LRRC4C: variants seen among roughly 807,000 people sequenced by gnomAD.
LRRC4C encodes the protein leucine rich repeat containing 4C, also known as leucine-rich repeat-containing protein 4C.
Under a neutral mutation model 33.6 loss-of-function variants are expected in LRRC4C, and 5 were observed. The ratio of observed to expected loss-of-function variants is 0.15; its 90% CI spans 0.08 to 0.31. The LOEUF is 0.31. Among genes scored for constraint, LRRC4C ranks in the 10% least tolerant of loss-of-function variants. The probability of loss-of-function intolerance (pLI) is 1.00; values close to 1 mark genes in which losing one functional copy is unlikely to be tolerated. For synonymous variants in LRRC4C, 329 were observed against 302.0 expected (o/e 1.09, Z -0.93); for missense variants, 560 against 796.7 (o/e 0.70, Z 3.58).
chr11:41,023,963 T>C (rs1298865103), intron 1 of LRRC4C, among the ~76,000 whole-genome samples: 1 of 151,794 alleles, frequency 6.6e-6, no homozygotes, highest in Admixed American at 6.6e-5. Context: ...TGTTACTTTG[T>C]CAGGTGCTTG....
intron 1 of LRRC4C, among the ~76,000 whole-genome samples, chr11:41,098,271 G>A (rs1168973860): frequency 1.3e-5 from 2 of 152,106 alleles, no homozygotes; most frequent in African/African-American, 4.8e-5. Context: ...GAAAATCACT[G>A]CGGCCACACT....
chr11:40,599,882 A>G (rs936344863), intron 3 of LRRC4C, among the ~76,000 whole-genome samples: 2 of 152,310 alleles, frequency 1.3e-5, no homozygotes, highest in South Asian at 2.1e-4. Context: ...AGTGTGGTCC[A>G]TGTCAAATAT....
At chr11:40,798,472 C>A (rs895314200) in intron 2 of LRRC4C, among the ~76,000 whole-genome samples, 9 of 151,968 alleles carry the variant, frequency 5.9e-5, no homozygotes, top group African/African-American at 1.9e-4. Context: ...GTTATTAGTA[C>A]TTTTAAAAAC....
At position 40,928,140 on chromosome 11, in the gene LRRC4C, GT is replaced by G. The variant is rs563028825; in HGVS notation, c.-407+5494del. Among the ~76,000 whole-genome samples, 255 of 151,850 alleles carry G rather than the reference GT, an allele frequency of 1.7e-3. 2 individuals are homozygous for G. The highest frequency in any genetic ancestry group is 6.0e-3 in the African/African-American group (247 of 41,468). On this transcript the variant is annotated intron_variant, in intron 2 of 6. Transcript: ENST00000528697. ...TGTTTCACTATCTAAATCTTACACT[GT>G]TTTGTAGCAATTTTCATGGTGAAAA...
chr11:41,262,765 A>T (rs991304797), intron 1 of LRRC4C, among the ~76,000 whole-genome samples: 4 of 152,080 alleles, frequency 2.6e-5, no homozygotes, highest in African/African-American at 9.7e-5. Flanking sequence ...CTGTGTACCC[A>T]CCCACAGGTC....
At chr11:40,912,405 G>A (rs531700055) in intron 2 of LRRC4C, among the ~76,000 whole-genome samples, 2 of 152,278 alleles carry the variant, frequency 1.3e-5, no homozygotes, top group South Asian at 4.2e-4. Context: ...CATTCTTAAA[G>A]AAAAGAATTT....
intron 3 of LRRC4C, among the ~76,000 whole-genome samples, chr11:40,388,366 G>A (rs1949198605): frequency 6.6e-6 from 1 of 152,120 alleles, no homozygotes; most frequent in Non-Finnish European, 1.5e-5. Context: ...CACCATAAAA[G>A]TGTCATCTGG....
At chr11:41,021,458 T>A (rs1334801111) in intron 1 of LRRC4C, among the ~76,000 whole-genome samples, 1 of 152,030 alleles carries the variant, frequency 6.6e-6, no homozygotes, top group Non-Finnish European at 1.5e-5. Flanking sequence ...AGTGAAATAT[T>A]TCAAAGATAT....
At chr11:40,156,250 G>A (rs540178226) in intron 5 of LRRC4C, among the ~76,000 whole-genome samples, 5 of 152,060 alleles carry the variant, frequency 3.3e-5, no homozygotes, top group Admixed American at 1.3e-4. Flanking sequence ...ACATAATACC[G>A]AATGGGGAAA....
chr11:40,750,775 A>C (rs1454931669), intron 2 of LRRC4C, among the ~76,000 whole-genome samples: 2 of 151,136 alleles, frequency 1.3e-5, no homozygotes, highest in African/African-American at 4.9e-5. Flanking sequence ...CACGTTGTGC[A>C]CATGTACCCT....
At chr11:40,713,122 G>A (rs954858092) in intron 2 of LRRC4C, among the ~76,000 whole-genome samples, 1 of 149,116 alleles carries the variant, frequency 6.7e-6, no homozygotes, top group East Asian at 2.0e-4. Context: ...TTGAACTCAC[G>A]AGCTCAGGTG....
chr11:41,094,341 C>CGGTG (rs1317318071), intron 1 of LRRC4C, among the ~76,000 whole-genome samples: 1 of 151,594 alleles, frequency 6.6e-6, no homozygotes, highest in African/African-American at 2.4e-5. Context: ...CTGGCTAACA[C>CGGTG]GGTGAAACCC....
At chr11:40,928,070 T>A (rs955509041) in intron 2 of LRRC4C, among the ~76,000 whole-genome samples, 8 of 152,038 alleles carry the variant, frequency 5.3e-5, no homozygotes, top group African/African-American at 9.7e-5. Context: ...TATTGTTTTT[T>A]AAAAAACCCT....
chr11:40,921,757 A>G (rs753539693), intron 2 of LRRC4C, among the ~76,000 whole-genome samples: 20 of 152,176 alleles, frequency 1.3e-4, no homozygotes, highest in Non-Finnish European at 2.4e-4. Context: ...TTGTGTTGGC[A>G]ACATTACCAA....
intron 3 of LRRC4C, among the ~76,000 whole-genome samples, chr11:40,599,683 C>A (rs905593381): frequency 6.6e-6 from 1 of 152,022 alleles, no homozygotes; most frequent in Non-Finnish European, 1.5e-5. Flanking sequence ...TAGGAAGATA[C>A]CTGGCATGTA....
chr11:40,501,565 G>T (rs1954773641), intron 3 of LRRC4C, among the ~76,000 whole-genome samples: 1 of 152,166 alleles, frequency 6.6e-6, no homozygotes, highest in Non-Finnish European at 1.5e-5. Context: ...CAAGGCTTGG[G>T]GCTTGCACCC....
At chr11:40,577,260 C>T (rs922056155) in intron 3 of LRRC4C, among the ~76,000 whole-genome samples, 5 of 152,098 alleles carry the variant, frequency 3.3e-5, no homozygotes, top group South Asian at 2.1e-4. Flanking sequence ...GAAGATAAAG[C>T]CTATGGGAAA....
chr11:40,746,352 A>G (rs1208834869), intron 2 of LRRC4C, among the ~76,000 whole-genome samples: 2 of 152,108 alleles, frequency 1.3e-5, no homozygotes, highest in Non-Finnish European at 2.9e-5. Flanking sequence ...CACACCGTGT[A>G]CTCTCCCAGA....
At chr11:40,653,880 T>C (rs2136167187) in intron 2 of LRRC4C, among the ~76,000 whole-genome samples, 1 of 152,322 alleles carries the variant, frequency 6.6e-6, no homozygotes, top group Admixed American at 6.5e-5. Flanking sequence ...GCCCAGGACC[T>C]TGCTGTTTTT....
Sources: gnomAD v4.1 joint callset for allele counts (sites outside exome capture counted in the v4.1 genomes callset) on GRCh38, gnomAD v4.1.1 for gene constraint, MANE v1.5 for transcripts, NCBI Gene and HGNC (gene_info 2026-07-23, HGNC 2026-07-21) for gene names.